KPNA7: variants seen among roughly 807,000 people sequenced by gnomAD.
KPNA7 encodes karyopherin subunit alpha 7, also known as importin subunit alpha-8.
Under a neutral mutation model 53.7 loss-of-function variants are expected in KPNA7, and 54 were observed. The ratio of observed to expected loss-of-function variants is 1.01; its 90% CI spans 0.81 to 1.26. The LOEUF is 1.26. Among genes scored for constraint, KPNA7 ranks in the 50% most tolerant of loss-of-function variants. KPNA7 has a pLI of 0.00. For synonymous variants in KPNA7, 276 were observed against 259.3 expected, an observed-to-expected ratio of 1.06 and a Z score of -0.62; for missense variants, 640 against 644.5, an observed-to-expected ratio of 0.99 and a Z score of 0.07.
At chr7:99,214,012 T>A (rs983139925) in intron 1 of KPNA7, among the ~76,000 whole-genome samples, 1 of 152,128 alleles carries the variant, frequency 6.6e-6, no homozygotes, top group African/African-American at 2.4e-5. Context: ...GAAGGAGCCA[T>A]CTCAGACATC....
chr7:99,187,670 C>T (rs1789669911), intron 7 of KPNA7, among the ~76,000 whole-genome samples: 2 of 151,418 alleles, frequency 1.3e-5, no homozygotes, highest in Admixed American at 1.3e-4. Context: ...TCTCCTGCCT[C>T]AGCCTCCCGA....
intron 9 of KPNA7, among the ~76,000 whole-genome samples, chr7:99,178,586 A>G (rs1799011592): frequency 6.6e-6 from 1 of 151,782 alleles, no homozygotes; most frequent in African/African-American, 2.4e-5. Context: ...ATTAATAAAG[A>G]AGATACACAG....
chr7:99,166,838 C>A, the KPNA7 span, among the ~76,000 whole-genome samples: 3 of 151,700 alleles, frequency 2.0e-5, no homozygotes, highest in African/African-American at 7.3e-5. Context: ...CCAGGCTGGT[C>A]TCAAACTCCT....
downstream of KPNA7, among the ~76,000 whole-genome samples, chr7:99,171,450 G>A (rs1018762881): frequency 5.9e-5 from 9 of 151,422 alleles, no homozygotes; most frequent in Admixed American, 1.3e-4. Context: ...TCATGCGATC[G>A]TTTGTTTTGG....
intron 10 of KPNA7, 39 bp from the exon 11 acceptor site, chr7:99,173,833 C>A: frequency 8.1e-7 from 1 of 1,228,764 alleles, no homozygotes; most frequent in Non-Finnish European, 1.2e-6. Context: ...CTCCAGGATT[C>A]TCAGCACATT....
chr7:99,196,578 C>T (rs1248857097), intron 3 of KPNA7, among the ~76,000 whole-genome samples: 1 of 152,132 alleles, frequency 6.6e-6, no homozygotes, highest in Admixed American at 6.6e-5. Flanking sequence ...TTTATTCAAG[C>T]CAGGAAGTGT....
rs932743844 is a variant in KPNA7 at position 99,208,027 on chromosome 7, C to A, written c.-24+1G>T. 1.3e-5 allele frequency among the ~76,000 whole-genome samples: 2 copies of A among 152,070 alleles called. No homozygotes were observed. Among genetic ancestry groups the A allele is most frequent in the African/African-American group, 4.8e-5 (2 of 41,414 alleles). On this transcript the variant is annotated splice_donor_variant, in intron 1 of 10. Transcript: ENST00000327442. LOFTEE classifies it low-confidence loss of function (5UTR_SPLICE). ...CCCCGTCCCCAACCCTTGGGCTCAA[C>A]CTGGCAGCAAGAACAACAGTCTGGA...
At chr7:99,172,940 A>G (rs958604777), downstream of KPNA7, among the ~76,000 whole-genome samples, 6 of 151,554 alleles carry the variant, frequency 4.0e-5, no homozygotes, top group Non-Finnish European at 8.8e-5. Flanking sequence ...GCAGGCACCT[A>G]TAGTCCCAGC....
At chr7:99,163,374 TATATATA>T in the KPNA7 span, among the ~76,000 whole-genome samples, 1 of 63,216 alleles carries the variant, frequency 1.6e-5, no homozygotes, top group Non-Finnish European at 3.3e-5. Context: ...TATATATATA[TATATATA>T]TATTTTTTTT....
the KPNA7 span, among the ~76,000 whole-genome samples, chr7:99,151,745 C>CTGCAA: frequency 6.6e-6 from 1 of 152,106 alleles, no homozygotes; most frequent in East Asian, 1.9e-4. Context: ...GTGTGAGCCA[C>CTGCAA]TGCACCTGGC....
At chr7:99,151,975 G>C in the KPNA7 span, among the ~76,000 whole-genome samples, 34,455 of 151,806 alleles carry the variant, frequency 0.23, 4,034 homozygotes, top group South Asian at 0.33. Flanking sequence ...TAGAGGTCAG[G>C]AGATTGAGAT....
chr7:99,196,637 T>C (rs1790244348), intron 3 of KPNA7, among the ~76,000 whole-genome samples: 1 of 152,210 alleles, frequency 6.6e-6, no homozygotes, highest in Non-Finnish European at 1.5e-5. Flanking sequence ...GAGAGCTTTG[T>C]GGCATTTTGA....
At chr7:99,165,960 G>A in the KPNA7 span, among the ~76,000 whole-genome samples, 3 of 151,838 alleles carry the variant, frequency 2.0e-5, no homozygotes, top group Non-Finnish European at 4.4e-5. Context: ...TGCTGTTCTT[G>A]TCATAGTGGG....
intron 3 of KPNA7, among the ~76,000 whole-genome samples, chr7:99,197,193 AGT>A (rs1790272161): frequency 6.6e-6 from 1 of 152,146 alleles, no homozygotes; most frequent in Admixed American, 6.6e-5. Context: ...GCAAAAATTG[AGT>A]GTTCTTTTCT....
chr7:99,149,040 C>T, the KPNA7 span, among the ~76,000 whole-genome samples: 1 of 151,774 alleles, frequency 6.6e-6, no homozygotes, highest in Non-Finnish European at 1.5e-5. Flanking sequence ...GGATTACAAG[C>T]GTGCCACATC....
At chr7:99,173,199 A>AT (rs951957894), downstream of KPNA7, among the ~76,000 whole-genome samples, 8 of 149,672 alleles carry the variant, frequency 5.3e-5, no homozygotes, top group Non-Finnish European at 8.9e-5. Flanking sequence ...ATTTTTTATT[A>AT]TTTTTTTTGA....
chr7:99,170,299 TGAA>T (rs1436713838), downstream of KPNA7, among the ~76,000 whole-genome samples: 11 of 151,846 alleles, frequency 7.2e-5, no homozygotes, highest in South Asian at 4.2e-4. Context: ...CTTGCGCTAA[TGAA>T]GAAGGAGGCT....
chr7:99,169,071 C>G (rs1798724276), downstream of KPNA7, among the ~76,000 whole-genome samples: 1 of 151,978 alleles, frequency 6.6e-6, no homozygotes, highest in Admixed American at 6.6e-5. Flanking sequence ...GCCTGTAATC[C>G]TAGCTACCCG....
At chr7:99,166,685 T>C in the KPNA7 span, among the ~76,000 whole-genome samples, 4 of 151,988 alleles carry the variant, frequency 2.6e-5, no homozygotes, top group Non-Finnish European at 5.9e-5. Context: ...AATGGCATAA[T>C]CTTGGCTGAC....
Sources: gnomAD v4.1 joint callset for allele counts (sites outside exome capture counted in the v4.1 genomes callset) on GRCh38, gnomAD v4.1.1 for gene constraint, MANE v1.5 for transcripts, NCBI Gene and HGNC (gene_info 2026-07-23, HGNC 2026-07-21) for gene names.